The following CEP83 variants were observed in gnomAD, a reference collection of about 807,000 sequenced individuals.
CEP83 encodes the protein centrosomal protein of 83 kDa.
A neutral mutation model predicts 101.9 loss-of-function variants in CEP83; 70 were observed. The ratio of observed to expected loss-of-function variants is 0.69; its 90% CI spans 0.57 to 0.84. The LOEUF is 0.84. CEP83 is among the 40% of genes least tolerant of loss of function. The pLI is 0.00. For missense variants in CEP83, 715 were observed against 787.2 expected (o/e 0.91, Z 1.10); for synonymous variants, 264 against 267.9 (o/e 0.99, Z 0.14).
At chr12:94,388,365 T>C (rs969854989) in intron 6 of CEP83, among the ~76,000 whole-genome samples, 11 of 152,184 alleles carry the variant, frequency 7.2e-5, no homozygotes, top group Non-Finnish European at 1.3e-4. Context: ...TTCTCACTTG[T>C]AAGTGGGAGC....
intron 14 of CEP83, among the ~76,000 whole-genome samples, chr12:94,316,933 T>C (rs189416455): frequency 3.0e-4 from 46 of 152,278 alleles, no homozygotes; most frequent in Admixed American, 1.3e-3. Flanking sequence ...TTTGAGTATA[T>C]TTACCCAGTA....
At chr12:94,335,526 G>T in intron 12 of CEP83, 63 bp downstream of exon 12, 2 of 1,106,620 alleles carry the variant, frequency 1.8e-6, no homozygotes, top group Non-Finnish European at 1.3e-6. Context: ...TTTAAAATTT[G>T]CAAAACATAA....
intron 2 of CEP83, among the ~76,000 whole-genome samples, chr12:94,416,979 C>A (rs901923814): frequency 6.6e-6 from 1 of 151,936 alleles, no homozygotes; most frequent in Non-Finnish European, 1.5e-5. Context: ...CCCGCAACCC[C>A]CCTCCCAAAA....
chr12:94,418,160 G>A (rs137892447), intron 2 of CEP83, among the ~76,000 whole-genome samples: 2,399 of 152,218 alleles, frequency 0.016, 25 homozygotes, highest in Non-Finnish European at 0.024. Context: ...CCAGGAGTTC[G>A]AGATCAGCCT....
At chr12:94,302,547 G>A (rs1968568506), downstream of CEP83, among the ~76,000 whole-genome samples, 1 of 152,174 alleles carries the variant, frequency 6.6e-6, no homozygotes, top group Non-Finnish European at 1.5e-5. Flanking sequence ...GCACTTAAAT[G>A]TTTGTTCACA....
At chr12:94,402,847 C>T (rs533582448) in intron 5 of CEP83, 10 of 160,126 alleles carry the variant, frequency 6.2e-5, no homozygotes, top group Non-Finnish European at 8.1e-5. Context: ...TGAAGTGAGC[C>T]GAGATCACGC....
chr12:94,458,481 G>T (rs941662904), intron 1 of CEP83, among the ~76,000 whole-genome samples: 1 of 152,094 alleles, frequency 6.6e-6, no homozygotes, highest in African/African-American at 2.4e-5. Context: ...GCTCACACCT[G>T]TAATCCCAGC....
At chr12:94,267,321 C>T in the CEP83 span, among the ~76,000 whole-genome samples, 1 of 152,198 alleles carries the variant, frequency 6.6e-6, no homozygotes, top group African/African-American at 2.4e-5. Context: ...TAATGCTTTA[C>T]ATCTGAACGT....
chr12:94,360,215 C>A (rs2060682949), intron 11 of CEP83, among the ~76,000 whole-genome samples: 1 of 151,912 alleles, frequency 6.6e-6, no homozygotes, highest in Non-Finnish European at 1.5e-5. Context: ...AGAACTAGAA[C>A]AATACAAGGA....
At chr12:94,379,504 A>G (rs2061720865) in intron 6 of CEP83, among the ~76,000 whole-genome samples, 1 of 152,222 alleles carries the variant, frequency 6.6e-6, no homozygotes, top group African/African-American at 2.4e-5. Flanking sequence ...CTGTGTACAT[A>G]AAAGCAAATG....
At chr12:94,387,537 G>GA (rs2062223333) in intron 6 of CEP83, among the ~76,000 whole-genome samples, 1 of 152,088 alleles carries the variant, frequency 6.6e-6, no homozygotes, top group African/African-American at 2.4e-5. Context: ...GGACTTTGGG[G>GA]ACCACTGCTC....
At chr12:94,281,300 C>CA in the CEP83 span, among the ~76,000 whole-genome samples, 1 of 151,562 alleles carries the variant, frequency 6.6e-6, no homozygotes, top group East Asian at 1.9e-4. Flanking sequence ...AAAACAAAAC[C>CA]AAAAAAAAGA....
intron 2 of CEP83, among the ~76,000 whole-genome samples, chr12:94,427,536 G>A (rs2065296440): frequency 6.6e-6 from 1 of 151,996 alleles, no homozygotes; most frequent in African/African-American, 2.4e-5. Flanking sequence ...ATTTTATTTT[G>A]CATAGGCACT....
chr12:94,299,158 C>T, the CEP83 span, among the ~76,000 whole-genome samples: 2 of 152,148 alleles, frequency 1.3e-5, no homozygotes, highest in South Asian at 2.1e-4. Context: ...TGTTCCTAAT[C>T]GGTTACTTTG....
At chr12:94,359,270 C>T (rs568201640) in intron 11 of CEP83, among the ~76,000 whole-genome samples, 2 of 152,200 alleles carry the variant, frequency 1.3e-5, no homozygotes, top group Non-Finnish European at 1.5e-5. Flanking sequence ...CCTCTAGTGC[C>T]GCTGGGTTAG....
intron 12 of CEP83, 101 bp from the exon 13 acceptor site, chr12:94,333,740 C>T: frequency 1.8e-6 from 2 of 1,114,542 alleles, no homozygotes; most frequent in South Asian, 2.9e-5. Context: ...GCAAATGCTC[C>T]CTCAAGCTGG....
At chr12:94,423,225 C>T (rs1171577570) in intron 2 of CEP83, among the ~76,000 whole-genome samples, 1 of 152,120 alleles carries the variant, frequency 6.6e-6, no homozygotes, top group Non-Finnish European at 1.5e-5. Context: ...GCTGGGATTA[C>T]AGGCATGTGC....
At chr12:94,389,401 GGTAA>G (rs1255830863) in intron 6 of CEP83, among the ~76,000 whole-genome samples, 2 of 152,108 alleles carry the variant, frequency 1.3e-5, no homozygotes, top group African/African-American at 2.4e-5. Context: ...CAGGCATTAT[GGTAA>G]GTATTTTGCA....
intron 4 of CEP83, among the ~76,000 whole-genome samples, chr12:94,406,486 T>C (rs11107530): frequency 0.32 from 47,829 of 151,444 alleles, 7,757 homozygotes; most frequent in East Asian, 0.39. Context: ...AGTGTGTGTG[T>C]GTGTGGTGGG....
Sources: gnomAD v4.1 joint callset for allele counts (sites outside exome capture counted in the v4.1 genomes callset) on GRCh38, gnomAD v4.1.1 for gene constraint, MANE v1.5 for transcripts, NCBI Gene and HGNC (gene_info 2026-07-23, HGNC 2026-07-21) for gene names.